Variants in THSD4 observed in about 807,000 individuals in gnomAD.
THSD4 encodes the protein thrombospondin type 1 domain containing 4.
In THSD4, 69 loss-of-function variants were observed where a neutral mutation model predicts 119.0. That is an observed-to-expected ratio of 0.58 (90% CI 0.48 to 0.71). THSD4 has a LOEUF of 0.71. Among genes scored for constraint, THSD4 ranks in the 30% least tolerant of loss-of-function variants. The probability of loss-of-function intolerance (pLI) is 0.00; values close to 1 mark genes in which losing one functional copy is unlikely to be tolerated. For missense variants in THSD4, 1,393 were observed against 1,391.1 expected, an observed-to-expected ratio of 1.00 and a Z score of -0.02; for synonymous variants, 524 against 540.4, an observed-to-expected ratio of 0.97 and a Z score of 0.42.
rs368411300 is a variant in THSD4, at chr15:71,472,523, A to G, written c.1152+60700A>G. ...GCTCTCACTCATATTGCCCATTAGA[A>G]CTCCCCCCAGTTGAAGATTTCTTTG... On this transcript the variant is annotated intron_variant, in intron 7 of 17. Transcript: ENST00000261862. 1.7e-4 allele frequency among the ~76,000 whole-genome samples: 26 copies of G among 151,840 alleles called. No individual in the cohort carries two copies. The East Asian group carries it at 3.9e-3, about 23-fold the overall frequency.
chr15:71,479,860 G>C (rs1301438294), intron 7 of THSD4, among the ~76,000 whole-genome samples: 1 of 152,146 alleles, frequency 6.6e-6, no homozygotes, highest in Non-Finnish European at 1.5e-5. Context: ...AATAGTGATT[G>C]AGAAAGAAAA....
chr15:71,706,432 A>G (rs1297474259), intron 8 of THSD4, among the ~76,000 whole-genome samples: 1 of 152,152 alleles, frequency 6.6e-6, no homozygotes, highest in Non-Finnish European at 1.5e-5. Context: ...GGAAATCTCT[A>G]ACAGGTTGGG....
intron 7 of THSD4, among the ~76,000 whole-genome samples, chr15:71,507,574 G>T (rs1437150869): frequency 6.6e-6 from 1 of 152,166 alleles, no homozygotes; most frequent in Non-Finnish European, 1.5e-5. Context: ...TTTGAAAGGT[G>T]GGGGCTGAGG....
intron 6 of THSD4, among the ~76,000 whole-genome samples, chr15:71,308,098 A>G (rs916109357): frequency 6.6e-6 from 1 of 152,164 alleles, no homozygotes; most frequent in Non-Finnish European, 1.5e-5. Context: ...ACCCTCCAGC[A>G]AAAACAGGCA....
At chr15:71,608,563 A>G (rs1034133189) in intron 7 of THSD4, among the ~76,000 whole-genome samples, 2 of 152,270 alleles carry the variant, frequency 1.3e-5, no homozygotes, top group Non-Finnish European at 2.9e-5. Context: ...AAATTAAGCT[A>G]TTATAAACAT....
intron 6 of THSD4, among the ~76,000 whole-genome samples, chr15:71,322,229 A>G (rs2045278661): frequency 1.3e-5 from 2 of 152,180 alleles, no homozygotes; most frequent in South Asian, 4.2e-4. Flanking sequence ...TTGCTAGAAA[A>G]CAGGATTTCC....
intron 14 of THSD4, among the ~76,000 whole-genome samples, chr15:71,751,352 G>C (rs974923640): frequency 5.3e-5 from 8 of 152,074 alleles, no homozygotes; most frequent in African/African-American, 1.9e-4. Flanking sequence ...ATTGTTTTAA[G>C]AATATGAGAA....
chr15:71,444,471 G>T (rs1340612800), intron 7 of THSD4, among the ~76,000 whole-genome samples: 2 of 152,182 alleles, frequency 1.3e-5, no homozygotes, highest in Non-Finnish European at 2.9e-5. Flanking sequence ...TATACCAAGA[G>T]AATCCATGTG....
intron 7 of THSD4, among the ~76,000 whole-genome samples, chr15:71,646,067 CT>C (rs1421340631): frequency 6.6e-6 from 1 of 152,198 alleles, no homozygotes; most frequent in African/African-American, 2.4e-5. Context: ...TAAAACTCTG[CT>C]TTTGAGTTTT....
chr15:71,389,827 T>TTTTTTTTTTTTG (rs56316633), intron 6 of THSD4, among the ~76,000 whole-genome samples: 12 of 142,990 alleles, frequency 8.4e-5, no homozygotes, highest in African/African-American at 2.9e-4. Context: ...TTTTTTTTTT[T>TTTTTTTTTTTTG]GACACAGAGT....
chr15:71,639,973 C>CT (rs375729292), intron 7 of THSD4, among the ~76,000 whole-genome samples: 3 of 152,048 alleles, frequency 2.0e-5, no homozygotes, highest in African/African-American at 7.2e-5. Flanking sequence ...ATATTACTGA[C>CT]TTTTTTCAGT....
intron 7 of THSD4, among the ~76,000 whole-genome samples, chr15:71,469,210 A>G (rs1177807837): frequency 1.3e-5 from 2 of 152,136 alleles, no homozygotes; most frequent in East Asian, 1.9e-4. Context: ...ATTCTGCTTG[A>G]TAAACTTTTC....
chr15:71,341,118 T>G, intron 6 of THSD4: 2 of 1,322,384 alleles, frequency 1.5e-6, no homozygotes, highest in Non-Finnish European at 1.1e-6. Flanking sequence ...CTCTCTCCCT[T>G]TTTTTTTTCC....
intron 6 of THSD4, among the ~76,000 whole-genome samples, chr15:71,355,622 A>G (rs564036031): frequency 6.6e-5 from 10 of 152,152 alleles, no homozygotes; most frequent in Non-Finnish European, 1.3e-4. Context: ...GGTGCTGGTC[A>G]GTTAGGAGAG....
At chr15:71,479,916 A>G (rs1303954920) in intron 7 of THSD4, among the ~76,000 whole-genome samples, 1 of 152,242 alleles carries the variant, frequency 6.6e-6, no homozygotes, top group Non-Finnish European at 1.5e-5. Flanking sequence ...AAACACTGTT[A>G]ACATTTTGTG....
At chr15:71,615,864 C>T (rs1023632426) in intron 7 of THSD4, among the ~76,000 whole-genome samples, 15 of 152,118 alleles carry the variant, frequency 9.9e-5, no homozygotes, top group Admixed American at 3.3e-4. Context: ...CCCCAGGGAA[C>T]GATGCCTCTT....
intron 7 of THSD4, among the ~76,000 whole-genome samples, chr15:71,442,165 G>A (rs1049022584): frequency 2.0e-5 from 3 of 151,832 alleles, no homozygotes; most frequent in Non-Finnish European, 4.4e-5. Context: ...TCACTGTGTT[G>A]GCCATGATGG....
intron 6 of THSD4, among the ~76,000 whole-genome samples, chr15:71,307,767 C>T (rs2045051794): frequency 6.6e-6 from 1 of 152,130 alleles, no homozygotes; most frequent in Non-Finnish European, 1.5e-5. Flanking sequence ...TAGACTCCAT[C>T]TCAAAAACAA....
chr15:71,114,151 A>G (rs754571056), upstream of THSD4, among the ~76,000 whole-genome samples: 2 of 152,200 alleles, frequency 1.3e-5, no homozygotes, highest in Non-Finnish European at 2.9e-5. Context: ...GCTCCGGGCC[A>G]GTAGTCGGTG....
Sources: gnomAD v4.1 joint callset for allele counts (sites outside exome capture counted in the v4.1 genomes callset) on GRCh38, gnomAD v4.1.1 for gene constraint, MANE v1.5 for transcripts, NCBI Gene and HGNC (gene_info 2026-07-23, HGNC 2026-07-21) for gene names.